DHPS: variants seen among roughly 807,000 people sequenced by gnomAD.
DHPS encodes deoxyhypusine synthase.
In DHPS, 24 loss-of-function variants were observed where a neutral mutation model predicts 38.7. The ratio of observed to expected loss-of-function variants is 0.62; its 90% CI spans 0.45 to 0.87. The LOEUF is 0.87. Among genes scored for constraint, DHPS ranks in the 40% least tolerant of loss-of-function variants. The probability of loss-of-function intolerance (pLI) is 0.00; values close to 1 mark genes in which losing one functional copy is unlikely to be tolerated. For missense variants in DHPS, 510 were observed against 497.6 expected (o/e 1.02, Z -0.24); for synonymous variants, 250 against 204.4 (o/e 1.22, Z -1.90).
chr19:12,680,218 G>C lies in DHPS; in HGVS notation c.315C>G (p.Ser105=), dbSNP rs1053950619. The stretch of plus-strand genomic sequence containing the variant: ...CACGGATGCCTGAACTGATGAGGTT[G>C]GATGTATATCCCAGGAAAATGGTGC... ...TSCTIFLGYT[S]NLISSGIRET... The change falls in exon 2 of 9, where the codon TCC becomes TCG. Residue 105 remains serine (S), a synonymous_variant. Coordinates refer to ENST00000210060, the MANE Select transcript of DHPS (RefSeq NM_001930.4). 9.9e-6 allele frequency: 16 copies of C among 1,614,080 alleles called. No homozygotes were observed. Among genetic ancestry groups the C allele is most frequent in the African/African-American group, 1.3e-5 (1 of 74,916 alleles).
intron 7 of DHPS, chr19:12,676,534 G>A (rs1052979770): frequency 1.3e-5 from 3 of 222,436 alleles, no homozygotes; most frequent in Non-Finnish European, 2.7e-5. Context: ...GGGGAGCATG[G>A]GAACCCGAGT....
At chr19:12,672,862 C>G, downstream of DHPS, 1 of 1,588,068 alleles carries the variant, frequency 6.3e-7, no homozygotes, top group South Asian at 1.1e-5. Context: ...TGGATGGCCG[C>G]GTGAGACGCT....
chr19:12,676,223 A>C, intron 7 of DHPS, 81 bp from the exon 8 acceptor site: 1 of 1,468,046 alleles, frequency 6.8e-7, no homozygotes, highest in Non-Finnish European at 9.1e-7. Context: ...GTAGCCAAAC[A>C]GGCTGAGAGG....
chr19:12,678,908 G>C (rs952290711), intron 5 of DHPS, among the ~76,000 whole-genome samples: 1 of 150,070 alleles, frequency 6.7e-6, no homozygotes, highest in Non-Finnish European at 1.5e-5. Flanking sequence ...CCCCAGGAGA[G>C]TTGCTAAGTG....
intron 5 of DHPS, 41 bp from the exon 6 acceptor site, chr19:12,677,437 C>A: frequency 1.3e-6 from 2 of 1,553,866 alleles, no homozygotes; most frequent in Non-Finnish European, 8.8e-7. Flanking sequence ...AGCTCAGAGC[C>A]TCGTCTCCAT....
Position 12,679,443 on chromosome 19 carries a change from G to A in DHPS, c.678+14C>T, listed in dbSNP as rs377130480. ...GCCAAAGTCTGGCTACTTTGCTCCC[G>A]CTTAGGTCCTCACCTTCTGGGCCCA... On this transcript the variant is annotated intron_variant, in intron 5 of 8. Coordinates refer to ENST00000210060, the MANE Select transcript of DHPS (RefSeq NM_001930.4). 1.7e-5 allele frequency: 28 copies of A among 1,613,538 alleles called. No individual in the cohort carries two copies. Among genetic ancestry groups the A allele is most frequent in the East Asian group, 2.2e-5 (1 of 44,896 alleles).
chr19:12,681,440 A>T, intron 1 of DHPS, 120 bp downstream of exon 1: 1 of 1,245,102 alleles, frequency 8.0e-7, no homozygotes. Flanking sequence ...TCCTCCAACT[A>T]TTGGGCAACT....
chr19:12,676,260 ACAGACATTCGCTCC>A (rs1485859882), intron 7 of DHPS, 118 bp from the exon 8 acceptor site: 1 of 1,297,850 alleles, frequency 7.7e-7, no homozygotes, highest in East Asian at 2.6e-5. Context: ...GAAGCCCTTC[ACAGACATTCGCTCC>A]CAGACAGGGC....
intron 7 of DHPS, 116 bp downstream of exon 7, chr19:12,676,992 C>A: frequency 1.1e-6 from 1 of 907,294 alleles, no homozygotes; most frequent in Admixed American, 2.1e-5. Flanking sequence ...ACTAGAACAT[C>A]AGTCCCGGGG....
chr19:12,679,966 T>C, intron 2 of DHPS, 44 bp from the exon 3 acceptor site: 1 of 1,590,432 alleles, frequency 6.3e-7, no homozygotes, highest in Non-Finnish European at 8.6e-7. Flanking sequence ...AGGAAGCCCC[T>C]GCCCTCATTC....
downstream of DHPS, among the ~76,000 whole-genome samples, chr19:12,674,841 C>T (rs2024524222): frequency 1.3e-5 from 2 of 152,134 alleles, no homozygotes; most frequent in African/African-American, 4.8e-5. Flanking sequence ...CCCGGCCAGG[C>T]ATGGTGGTTC....
chr19:12,678,902 AG>A (rs763248912), intron 5 of DHPS, among the ~76,000 whole-genome samples: 4 of 143,730 alleles, frequency 2.8e-5, no homozygotes, highest in African/African-American at 5.2e-5. Flanking sequence ...GCCAGGCCCC[AG>A]GAGAGTTGCT....
At chr19:12,675,455 C>T, downstream of DHPS, 2 of 1,560,384 alleles carry the variant, frequency 1.3e-6, no homozygotes, top group South Asian at 1.2e-5. Flanking sequence ...ATGGGGGGTG[C>T]CCAGGGACCT....
chr19:12,673,046 T>G (rs150648926), downstream of DHPS: 39 of 1,613,570 alleles, frequency 2.4e-5, no homozygotes, highest in Admixed American at 1.8e-4. Flanking sequence ...GGATGGGCAG[T>G]GCACCCTGGT....
downstream of DHPS, chr19:12,672,724 A>C (rs1418713141): frequency 9.7e-7 from 1 of 1,027,724 alleles, no homozygotes; most frequent in East Asian, 2.6e-5. Flanking sequence ...TCTCAAGGCC[A>C]GAGCTTCAGA....
At chr19:12,679,329 G>GT (rs1414359343) in intron 5 of DHPS, 128 bp downstream of exon 5, 6 of 918,066 alleles carry the variant, frequency 6.5e-6, no homozygotes, top group Admixed American at 2.1e-5. Context: ...GCCTATCTGT[G>GT]TTTGAGTCTC....
rs1568321273 is a variant in DHPS, at chr19:12,681,845, G to C, written c.-79C>G. On this transcript the variant is annotated 5_prime_UTR_variant, in exon 1 of 9. Transcript: ENST00000210060. The stretch of plus-strand genomic sequence containing the variant: ...GCCCAGAAACGCGTTAAACCCCGAC[G>C]CGCGCGTCTCCGCAAGAGCACAGGA... 3.1e-6 allele frequency: 4 copies of C among 1,287,254 alleles called. No homozygotes were observed. Among genetic ancestry groups the C allele is most frequent in the Non-Finnish European group, 4.4e-6 (4 of 918,706 alleles). The allele number at this position is 1,287,254 out of a possible 1,614,324, so 79.7% of individuals were successfully genotyped here. A position where few individuals can be genotyped will look rare whatever the true frequency, so the allele number is the denominator to read the frequency against.
downstream of DHPS, among the ~76,000 whole-genome samples, chr19:12,674,119 G>A (rs1404978524): frequency 2.0e-5 from 3 of 152,238 alleles, no homozygotes; most frequent in Non-Finnish European, 4.4e-5. Flanking sequence ...GGCGGCAGGT[G>A]CGGCAAGATC....
chr19:12,678,239 C>T (rs1322708936), intron 5 of DHPS, among the ~76,000 whole-genome samples: 1 of 148,700 alleles, frequency 6.7e-6, no homozygotes, highest in African/African-American at 2.5e-5. Flanking sequence ...GCCTGGGTAA[C>T]AAGAGCAAAA....
Sources: gnomAD v4.1 joint callset for allele counts (sites outside exome capture counted in the v4.1 genomes callset) on GRCh38, gnomAD v4.1.1 for gene constraint, MANE v1.5 for transcripts, NCBI Gene and HGNC (gene_info 2026-07-23, HGNC 2026-07-21) for gene names.